The following RUBCNL variants were observed in gnomAD, a reference collection of about 807,000 sequenced individuals.
The protein encoded by RUBCNL is rubicon like autophagy enhancer, also known as protein associated with UVRAG as autophagy enhancer.
RUBCNL carries 62 observed loss-of-function variants against 69.5 expected under a neutral mutation model. That is an observed-to-expected ratio of 0.89 (90% CI 0.73 to 1.10). The LOEUF (loss-of-function observed/expected upper bound fraction) is 1.10, where lower values mean the gene tolerates loss of function less well. Among genes scored for constraint, RUBCNL ranks in the 50% least tolerant of loss-of-function variants. RUBCNL has a pLI of 0.00. For synonymous variants in RUBCNL, 291 were observed against 303.6 expected (o/e 0.96, Z 0.43); for missense variants, 768 against 798.1 (o/e 0.96, Z 0.45).
chr13:46,372,711 C>G, intron 2 of RUBCNL, 114 bp from the exon 3 acceptor site: 1 of 891,218 alleles, frequency 1.1e-6, no homozygotes, highest in Non-Finnish European at 1.6e-6. Context: ...TTGGCTCTAT[C>G]CAACATAGTA....
rs766438935 is a variant in RUBCNL, at chr13:46,377,932, G to GA, written c.-166dup. Reference sequence around the variant, plus strand: ...CGAAGAGGCAGATTGACACAGAGGAGAAAGTAATGATTGGAAACCATCAAA... The same window carrying GA: ...CGAAGAGGCAGATTGACACAGAGGAGAAAAGTAATGATTGGAAACCATCAAA... On this transcript the variant is annotated 5_prime_UTR_variant, in exon 2 of 15. It removes the in-frame stop codon of an upstream open reading frame in the 5' UTR. Transcript: ENST00000429979. 60 of 1,610,000 alleles carry GA rather than the reference G, an allele frequency of 3.7e-5. No individual in the cohort carries two copies. In the East Asian group the frequency reaches 4.7e-4, roughly 13 times the overall value.
chr13:46,345,356 G>C (rs1266169385), intron 13 of RUBCNL, 91 bp downstream of exon 13: 1 of 1,438,684 alleles, frequency 7.0e-7, no homozygotes, highest in East Asian at 2.5e-5. Flanking sequence ...ACTTCCCTCA[G>C]GGTTTGTGAG....
At position 46,343,337 on chromosome 13, in the gene RUBCNL, GT is replaced by G; in HGVS notation, c.*47del. 6.3e-7 allele frequency: 1 copy of G among 1,593,006 alleles called. No individual in the cohort carries two copies. The highest frequency in any genetic ancestry group is 8.6e-7 in the Non-Finnish European group (1 of 1,167,586). ...TCACCAATAATAGACACAAATCGGT[GT>G]TATCATAAGGCATGTTGAACAGTCT... On this transcript the variant is annotated 3_prime_UTR_variant, in exon 15 of 15. Transcript: ENST00000429979.
At position 46,342,868 on chromosome 13, in the gene RUBCNL, T is replaced by A. The variant is rs1331821290; in HGVS notation, c.*517A>T. 3 of 153,152 alleles carry A rather than the reference T, an allele frequency of 2.0e-5. No individual in the cohort carries two copies. The highest frequency in any genetic ancestry group is 2.0e-4 in the Admixed American group (3 of 15,360). The allele number at this position is 153,152 out of a possible 1,614,324, so 9.5% of individuals were successfully genotyped here. A position where few individuals can be genotyped will look rare whatever the true frequency, so the allele number is the denominator to read the frequency against. On this transcript the variant is annotated 3_prime_UTR_variant, in exon 15 of 15. Coordinates refer to ENST00000429979, the MANE Select transcript of RUBCNL (RefSeq NM_025113.5). ...AGAAATGTGTACTCTCTATTCAAAC[T>A]CTGAAGTAAATAAAATGTGTATGAT...
chr13:46,386,411 T>C (rs2138866032), intron 1 of RUBCNL, among the ~76,000 whole-genome samples: 1 of 152,296 alleles, frequency 6.6e-6, no homozygotes, highest in Non-Finnish European at 1.5e-5. Context: ...AGCTCTTGAG[T>C]ATACCTTTTC....
chr13:46,359,812 T>C (rs769436187), intron 8 of RUBCNL, among the ~76,000 whole-genome samples, 181 bp from the exon 9 acceptor site: 6 of 152,220 alleles, frequency 3.9e-5, no homozygotes, highest in Non-Finnish European at 7.3e-5. Flanking sequence ...TGCAAGAGAA[T>C]TGCTTTAAAC....
At chr13:46,357,728 C>T (rs1426852429) in intron 9 of RUBCNL, among the ~76,000 whole-genome samples, 1 of 150,750 alleles carries the variant, frequency 6.6e-6, no homozygotes, top group East Asian at 2.0e-4. Flanking sequence ...CTCCCAGGTT[C>T]AAGCAGTTCT....
At chr13:46,388,101 A>AC, upstream of RUBCNL, among the ~76,000 whole-genome samples, 1 of 150,078 alleles carries the variant, frequency 6.7e-6, no homozygotes, top group Non-Finnish European at 1.5e-5. Flanking sequence ...TATGCCGGCT[A>AC]CTAGGGAGGC....
intron 9 of RUBCNL, among the ~76,000 whole-genome samples, chr13:46,357,022 C>T (rs1430314244): frequency 2.0e-5 from 3 of 150,710 alleles, no homozygotes; most frequent in Non-Finnish European, 4.4e-5. Flanking sequence ...AGCCGCCGTG[C>T]CCAGCCTTAA....
At chr13:46,361,698 A>G in intron 7 of RUBCNL, 125 bp from the exon 8 acceptor site, 2 of 883,568 alleles carry the variant, frequency 2.3e-6, no homozygotes, top group Non-Finnish European at 3.4e-6. Flanking sequence ...ATATGAGATG[A>G]CGCATGAATC....
At chr13:46,358,711 C>T (rs1460702806) in intron 9 of RUBCNL, among the ~76,000 whole-genome samples, 1 of 152,020 alleles carries the variant, frequency 6.6e-6, no homozygotes, top group Non-Finnish European at 1.5e-5. Flanking sequence ...GCACCCACCA[C>T]ACCTAGTTTA....
intron 5 of RUBCNL, among the ~76,000 whole-genome samples, chr13:46,365,375 CA>C (rs1393384551): frequency 2.0e-5 from 3 of 149,456 alleles, no homozygotes; most frequent in South Asian, 4.2e-4. Flanking sequence ...CGTACACACA[CA>C]AAAAACACAG....
chr13:46,347,304 G>A (rs1279764010), intron 12 of RUBCNL, among the ~76,000 whole-genome samples: 1 of 152,142 alleles, frequency 6.6e-6, no homozygotes, highest in East Asian at 1.9e-4. Flanking sequence ...CTACTTGGGA[G>A]GGTGAGGCAC....
chr13:46,369,347 T>C (rs2048830498), intron 3 of RUBCNL, among the ~76,000 whole-genome samples: 1 of 152,164 alleles, frequency 6.6e-6, no homozygotes, highest in East Asian at 1.9e-4. Context: ...CCCTAGCAGC[T>C]GAGATTACAG....
At position 46,345,444 on chromosome 13, in the gene RUBCNL, C is replaced by CG; in HGVS notation, c.1785+2_1785+3insC. 1 of 1,556,176 alleles carries CG rather than the reference C, an allele frequency of 6.4e-7. No individual in the cohort carries two copies. The highest frequency in any genetic ancestry group is 1.2e-5 in the South Asian group (1 of 84,342). Reference sequence around the variant, plus strand: ...AACGAATCTGCTCTGGGTGCACCCTCACCTCACAGCCAGCCACATGTGCAA... The same window carrying CG: ...AACGAATCTGCTCTGGGTGCACCCTCGACCTCACAGCCAGCCACATGTGCAA... On this transcript the variant is annotated splice_region_variant and intron_variant, in intron 13 of 14. Coordinates refer to ENST00000429979, the MANE Select transcript of RUBCNL (RefSeq NM_025113.5).
At chr13:46,365,585 T>C (rs1481922040) in intron 5 of RUBCNL, among the ~76,000 whole-genome samples, 2 of 152,148 alleles carry the variant, frequency 1.3e-5, no homozygotes, top group Non-Finnish European at 2.9e-5. Flanking sequence ...TTCTGAAGGA[T>C]GCGAAGGATG....
intron 2 of RUBCNL, among the ~76,000 whole-genome samples, chr13:46,375,777 T>C (rs568724656): frequency 1.2e-4 from 19 of 152,158 alleles, no homozygotes; most frequent in South Asian, 4.1e-4. Context: ...TTTTAGTTTA[T>C]ACCTTCTGGA....
upstream of RUBCNL, chr13:46,387,815 A>G (rs1308001235): frequency 1.1e-5 from 11 of 985,378 alleles, no homozygotes; most frequent in Non-Finnish European, 1.3e-5. Flanking sequence ...CTTGCAGCGA[A>G]GGTTTGGAAT....
At chr13:46,369,944 C>G (rs2048842004) in intron 3 of RUBCNL, among the ~76,000 whole-genome samples, 1 of 152,208 alleles carries the variant, frequency 6.6e-6, no homozygotes, top group Non-Finnish European at 1.5e-5. Flanking sequence ...CTGTAAACAG[C>G]TAGCTGGTAT....
Sources: gnomAD v4.1 joint callset for allele counts (sites outside exome capture counted in the v4.1 genomes callset) on GRCh38, gnomAD v4.1.1 for gene constraint, MANE v1.5 for transcripts, NCBI Gene and HGNC (gene_info 2026-07-23, HGNC 2026-07-21) for gene names.